The following TNFRSF21 variants were observed in gnomAD, a reference collection of about 807,000 sequenced individuals.
The protein encoded by TNFRSF21 is TNF receptor superfamily member 21, also known as tumor necrosis factor receptor superfamily member 21.
TNFRSF21 carries 19 observed loss-of-function variants against 45.6 expected under a neutral mutation model. The observed-to-expected ratio is 0.42, with a 90% CI of 0.29 to 0.61. TNFRSF21 has a LOEUF of 0.61. TNFRSF21 is among the 20% of genes least tolerant of loss of function. The pLI is 0.23. For missense variants in TNFRSF21, 737 were observed against 851.5 expected, an observed-to-expected ratio of 0.87 and a Z score of 1.67; for synonymous variants, 314 against 335.5, an observed-to-expected ratio of 0.94 and a Z score of 0.70.
intron 4 of TNFRSF21, among the ~76,000 whole-genome samples, chr6:47,237,212 A>G (rs940116016): frequency 6.6e-6 from 1 of 152,216 alleles, no homozygotes; most frequent in Non-Finnish European, 1.5e-5. Flanking sequence ...GTTACTAACT[A>G]TAAGTATCTC....
At chr6:47,279,545 T>TA (rs1012077220) in intron 3 of TNFRSF21, among the ~76,000 whole-genome samples, 3 of 152,248 alleles carry the variant, frequency 2.0e-5, no homozygotes, top group South Asian at 2.1e-4. Context: ...ACAGATCAAA[T>TA]AAAAAAATGT....
At chr6:47,273,378 G>C (rs1011554114) in intron 3 of TNFRSF21, among the ~76,000 whole-genome samples, 1 of 152,178 alleles carries the variant, frequency 6.6e-6, no homozygotes, top group African/African-American at 2.4e-5. Flanking sequence ...ATCAATAAAT[G>C]TAATCCATCA....
In TNFRSF21 at chr6:47,247,537, T is replaced by C. The variant is rs549848402; in HGVS notation, c.1509+5719A>G. Among the ~76,000 whole-genome samples the C allele has an allele frequency of 2.0e-5, 3 of 152,350 alleles. No homozygotes were observed. The East Asian group carries it at 5.8e-4, about 29-fold the overall frequency. On this transcript the variant is annotated intron_variant, in intron 4 of 5. Coordinates refer to ENST00000296861, the MANE Select transcript of TNFRSF21 (RefSeq NM_014452.5). Reference sequence around the variant, plus strand: ...TTTGCTTCAACTCGTCCTCACTGTATTAAATTTCTGAAAATAGCTGGTCTC... The same window carrying C: ...TTTGCTTCAACTCGTCCTCACTGTACTAAATTTCTGAAAATAGCTGGTCTC...
intron 2 of TNFRSF21, among the ~76,000 whole-genome samples, chr6:47,284,922 G>A (rs1056281776): frequency 6.6e-6 from 1 of 152,206 alleles, no homozygotes; most frequent in Non-Finnish European, 1.5e-5. Context: ...GACTTGGTAG[G>A]ACAGGTCAGC....
At chr6:47,306,105 G>C (rs1762936660) in intron 1 of TNFRSF21, among the ~76,000 whole-genome samples, 1 of 152,148 alleles carries the variant, frequency 6.6e-6, no homozygotes, top group African/African-American at 2.4e-5. Context: ...AGACTTACTG[G>C]GTGTCGAGCA....
At chr6:47,270,750 G>A (rs1393648871) in intron 3 of TNFRSF21, among the ~76,000 whole-genome samples, 1 of 151,902 alleles carries the variant, frequency 6.6e-6, no homozygotes, top group Non-Finnish European at 1.5e-5. Context: ...CCTATCGCAA[G>A]GAAGCTAAAA....
chr6:47,253,113 T>A, intron 4 of TNFRSF21, 143 bp downstream of exon 4: 1 of 984,048 alleles, frequency 1.0e-6, no homozygotes, highest in East Asian at 2.7e-5. Context: ...GGTGTGTGTG[T>A]GTGTGTGCAG....
chr6:47,295,578 C>A (rs371650640), intron 1 of TNFRSF21, among the ~76,000 whole-genome samples: 5 of 152,178 alleles, frequency 3.3e-5, no homozygotes, highest in African/African-American at 1.2e-4. Flanking sequence ...AAAGGCAAAA[C>A]CCAGGCAGAG....
At chr6:47,302,561 A>G (rs1415549717) in intron 1 of TNFRSF21, among the ~76,000 whole-genome samples, 1 of 152,238 alleles carries the variant, frequency 6.6e-6, no homozygotes, top group Non-Finnish European at 1.5e-5. Flanking sequence ...CGTCAGAGTC[A>G]CACCATAGGA....
intron 1 of TNFRSF21, among the ~76,000 whole-genome samples, chr6:47,291,922 G>C (rs1762734991): frequency 6.6e-6 from 1 of 152,170 alleles, no homozygotes; most frequent in Non-Finnish European, 1.5e-5. Context: ...TCTCTTTACA[G>C]AGACTCAGAT....
intron 5 of TNFRSF21, among the ~76,000 whole-genome samples, chr6:47,234,134 C>A (rs956783045): frequency 6.6e-6 from 1 of 151,824 alleles, no homozygotes; most frequent in East Asian, 1.9e-4. Flanking sequence ...GGAACTACAG[C>A]GGGCTAATTT....
At chr6:47,258,337 C>T (rs1314313518) in intron 3 of TNFRSF21, among the ~76,000 whole-genome samples, 2 of 151,340 alleles carry the variant, frequency 1.3e-5, no homozygotes, top group East Asian at 1.9e-4. Flanking sequence ...ACCACCGCAC[C>T]CCAGCCTAAG....
At chr6:47,296,640 C>A (rs1762793988) in intron 1 of TNFRSF21, among the ~76,000 whole-genome samples, 1 of 152,142 alleles carries the variant, frequency 6.6e-6, no homozygotes, top group Admixed American at 6.5e-5. Context: ...TATAATCAAT[C>A]ATGTCTAAGT....
intron 4 of TNFRSF21, among the ~76,000 whole-genome samples, chr6:47,251,517 C>T (rs1764901535): frequency 6.6e-6 from 1 of 152,142 alleles, no homozygotes; most frequent in Non-Finnish European, 1.5e-5. Context: ...CTCTTTTTGA[C>T]ATGCACTCTC....
At position 47,232,624 on chromosome 6, in the gene TNFRSF21, A is replaced by AC. The variant is rs1764601293; in HGVS notation, c.*140_*141insG. 1 of 502,494 alleles carries AC rather than the reference A, an allele frequency of 2.0e-6. No homozygotes were observed. Among genetic ancestry groups the AC allele is most frequent in the African/African-American group, 2.1e-5 (1 of 48,736 alleles). The allele number at this position is 502,494 out of a possible 1,614,324, so 31.1% of individuals were successfully genotyped here. Reference sequence around the variant, plus strand: ...CAAGCACTGGCCATATTCTCTGTTAAACACACACACACACACACACACACA... The same window carrying AC: ...CAAGCACTGGCCATATTCTCTGTTAACACACACACACACACACACACACACA... On this transcript the variant is annotated 3_prime_UTR_variant, in exon 6 of 6. Coordinates refer to ENST00000296861, the MANE Select transcript of TNFRSF21 (RefSeq NM_014452.5).
chr6:47,235,769 A>G (rs537887412), intron 4 of TNFRSF21, among the ~76,000 whole-genome samples: 6 of 152,330 alleles, frequency 3.9e-5, no homozygotes, highest in African/African-American at 1.4e-4. Context: ...GAATGAGAAC[A>G]GGAGAAAATG....
At chr6:47,238,227 A>G (rs1299084806) in intron 4 of TNFRSF21, among the ~76,000 whole-genome samples, 1 of 152,234 alleles carries the variant, frequency 6.6e-6, no homozygotes, top group Non-Finnish European at 1.5e-5. Flanking sequence ...CAGGAAGATT[A>G]TCAATGTGGC....
At chr6:47,252,092 C>T (rs866873032) in intron 4 of TNFRSF21, among the ~76,000 whole-genome samples, 1 of 152,064 alleles carries the variant, frequency 6.6e-6, no homozygotes, top group Non-Finnish European at 1.5e-5. Flanking sequence ...AGAATTACTG[C>T]GCTATCAGTA....
intron 3 of TNFRSF21, among the ~76,000 whole-genome samples, chr6:47,257,734 C>T (rs1765008621): frequency 6.6e-6 from 1 of 152,116 alleles, no homozygotes; most frequent in South Asian, 2.1e-4. Context: ...CATGTTATTA[C>T]TTTTATTTGA....
Sources: allele counts gnomAD v4.1 joint callset (sites outside exome capture counted in the v4.1 genomes callset), GRCh38; gene constraint gnomAD v4.1.1; transcripts MANE v1.5; gene names NCBI Gene and HGNC (gene_info 2026-07-23, HGNC 2026-07-21).